The following CCDC127 variants were observed in gnomAD, a reference collection of about 807,000 sequenced individuals.
The protein encoded by CCDC127 is coiled-coil domain containing 127.
Under a neutral mutation model 4.1 loss-of-function variants are expected in CCDC127, and 2 were observed. That is an observed-to-expected ratio of 0.49 (90% CI 0.20 to 1.53). The LOEUF (loss-of-function observed/expected upper bound fraction) is 1.53. Ranked by LOEUF, CCDC127 falls within the 40% of genes most tolerant of loss-of-function variation. CCDC127 has a pLI of 0.23. For missense variants in CCDC127, 271 were observed against 322.9 expected (o/e 0.84, Z 1.23); for synonymous variants, 98 against 120.4 (o/e 0.81, Z 1.22).
At chr5:206,693 C>T (rs970020595) in intron 2 of CCDC127, among the ~76,000 whole-genome samples, 1 of 152,210 alleles carries the variant, frequency 6.6e-6, no homozygotes, top group Non-Finnish European at 1.5e-5. Context: ...TAAAAAAAGA[C>T]CGTGTGATAA....
At position 201,701 on chromosome 5, in the gene CCDC127, G is replaced by A. The variant is rs1231485284; in HGVS notation, c.*3596C>T. 3.3e-5 allele frequency: 5 copies of A among 152,226 alleles called. No homozygotes were observed. In the East Asian group the frequency reaches 9.6e-4, roughly 29 times the overall value. The allele number at this position is 152,226 out of a possible 1,614,324, so 9.4% of individuals were successfully genotyped here. On this transcript the variant is annotated 3_prime_UTR_variant, in exon 3 of 3. Transcript: ENST00000296824. ...TTTTTGGAATGTCCAGGTCAATTGT[G>A]ATGCCTTCGAACTTCATTCCAAAGT...
rs1302282311 is a variant in CCDC127, at chr5:203,638, A to T, written c.*1659T>A. On this transcript the variant is annotated 3_prime_UTR_variant, in exon 3 of 3. Transcript: ENST00000296824. ...AACAGTTGCTCCTACTCCCGTACAG[A>T]CGGGCAGGAGGGGAGAACATGGCCC... The T allele has an allele frequency of 1.3e-5, 2 of 152,228 alleles. No homozygotes were observed. The highest frequency in any genetic ancestry group is 2.9e-5 in the Non-Finnish European group (2 of 68,036). 9.4% of individuals were successfully genotyped at this position (152,228 alleles called of 1,614,324 possible). A position where few individuals can be genotyped will look rare whatever the true frequency, so the allele number is the denominator to read the frequency against.
Position 210,058 on chromosome 5 carries a change from G to A in CCDC127, c.122-4100C>T, listed in dbSNP as rs140241544. 7.8e-3 allele frequency among the ~76,000 whole-genome samples: 1,193 copies of A among 152,330 alleles called. 22 individuals carry two copies. Among genetic ancestry groups the A allele is most frequent in the African/African-American group, 0.027 (1,130 of 41,572 alleles). On this transcript the variant is annotated intron_variant, in intron 2 of 2. Transcript: ENST00000296824. ...GGGACCGTCCAACAGAGTCCCAGAA[G>A]CTCCAGCTAGTGCCGGAAGGCAAGA...
Position 205,881 on chromosome 5 carries a change from G to C in CCDC127, c.199C>G (p.Gln67Glu). The part of the protein sequence containing the change: ...EAYRRRTAAF[Q>E]QDLEAKYHAM... ...TGGTACTTGGCTTCCAGATCCTGTTGAAAAGCAGCAGTTCTCCGACGGTAG... is the reference window on the plus strand; with the variant it reads ...TGGTACTTGGCTTCCAGATCCTGTTCAAAAGCAGCAGTTCTCCGACGGTAG... The change falls in exon 3 of 3, where the codon CAA (glutamine) becomes GAA (glutamate). Residue 67 changes from glutamine to glutamate, a missense_variant. This residue lies in a region of CCDC127 where 265 missense variants were observed against 270.9 expected (regional missense o/e 0.98). Transcript: ENST00000296824. 1 of 1,614,216 alleles carries C rather than the reference G, an allele frequency of 6.2e-7. No individual in the cohort carries two copies. Among genetic ancestry groups the C allele is most frequent in the Non-Finnish European group, 8.5e-7 (1 of 1,180,038 alleles).
chr5:210,365 T>C (rs1415396215), intron 2 of CCDC127, among the ~76,000 whole-genome samples: 1 of 152,144 alleles, frequency 6.6e-6, no homozygotes, highest in Non-Finnish European at 1.5e-5. Context: ...GGCTACAGAC[T>C]GGGAGAGGAT....
chr5:205,120 T>C lies in CCDC127; in HGVS notation c.*177A>G. On this transcript the variant is annotated 3_prime_UTR_variant, in exon 3 of 3. Coordinates refer to ENST00000296824, the MANE Select transcript of CCDC127 (RefSeq NM_145265.3). ...GGCAGAGCATCGGGAGGAGACCCTC[T>C]GTCTCTGAGGCTTCGGTGCACTTCT... 1 of 588,148 alleles carries C rather than the reference T, an allele frequency of 1.7e-6. No homozygotes were observed. Among genetic ancestry groups the C allele is most frequent in the East Asian group, 2.8e-5 (1 of 35,504 alleles). The allele number at this position is 588,148 out of a possible 1,614,324, so 36.4% of individuals were successfully genotyped here. A position where few individuals can be genotyped will look rare whatever the true frequency, so the allele number is the denominator to read the frequency against.
In CCDC127 at chr5:197,850, CGAGT is replaced by C. The variant is rs1241450831; in HGVS notation, c.*7443_*7446del. On this transcript the variant is annotated 3_prime_UTR_variant, in exon 3 of 3. Coordinates refer to ENST00000296824, the MANE Select transcript of CCDC127 (RefSeq NM_145265.3). ...AGTGGTCCCTGTGTCACCCCCTCCC[CGAGT>C]GTGTCCCCACCCCAGGGGCCCCCAT... 3 of 102,744 alleles carry C rather than the reference CGAGT, an allele frequency of 2.9e-5. No homozygotes were observed. Among genetic ancestry groups the C allele is most frequent in the Non-Finnish European group, 6.9e-5 (3 of 43,712 alleles). The allele number at this position is 102,744 out of a possible 1,614,324, so 6.4% of individuals were successfully genotyped here.
intron 2 of CCDC127, chr5:216,238 G>T (rs1172462564): frequency 1.1e-4 from 19 of 167,952 alleles, no homozygotes; most frequent in Admixed American, 1.0e-3. Flanking sequence ...TTTTTGTAGA[G>T]ACGGGGTTTT....
chr5:217,084 T>C (rs62346522), intron 1 of CCDC127: 65,527 of 417,448 alleles, frequency 0.16, 6,401 homozygotes, highest in African/African-American at 0.47. Flanking sequence ...TGAGTCGAGG[T>C]CGCGCCACTG....
rs906090183 is a variant in CCDC127 at position 198,150 on chromosome 5, G to A, written c.*7147C>T. 1 of 152,332 alleles carries A rather than the reference G, an allele frequency of 6.6e-6. No homozygotes were observed. Among genetic ancestry groups the A allele is most frequent in the Non-Finnish European group, 1.5e-5 (1 of 68,122 alleles). The allele number at this position is 152,332 out of a possible 1,614,324, so 9.4% of individuals were successfully genotyped here. A position where few individuals can be genotyped will look rare whatever the true frequency, so the allele number is the denominator to read the frequency against. On this transcript the variant is annotated 3_prime_UTR_variant, in exon 3 of 3. Coordinates refer to ENST00000296824, the MANE Select transcript of CCDC127 (RefSeq NM_145265.3). Reference sequence around the variant, plus strand: ...GCCTCCCGGGGGCGTCTCAGGAATGGACGGCCTCCTGCCGAGTGGGCAGAT... The same window carrying A: ...GCCTCCCGGGGGCGTCTCAGGAATGAACGGCCTCCTGCCGAGTGGGCAGAT...
At chr5:216,013 A>G (rs1400499014) in intron 2 of CCDC127, 4 of 151,506 alleles carry the variant, frequency 2.6e-5, no homozygotes. Context: ...AAGTCTCCCA[A>G]AGACTGATTT....
rs764545184 is a variant in CCDC127, at chr5:205,773, G to T, written c.307C>A (p.Arg103=). The change falls in exon 3 of 3, where the codon CGA becomes AGA. Residue 103 remains arginine (R), a synonymous_variant. Coordinates refer to ENST00000296824, the MANE Select transcript of CCDC127 (RefSeq NM_145265.3). ...CGTCCCTGAGAGATAAGGGCTTCTCGGTAACTAGCAGTTCTGTTTTGTTCC... is the reference window on the plus strand; with the variant it reads ...CGTCCCTGAGAGATAAGGGCTTCTCTGTAACTAGCAGTTCTGTTTTGTTCC... ...EKEQNRTASY[R]EALISQGRKL... 6 of 1,613,988 alleles carry T rather than the reference G, an allele frequency of 3.7e-6. No individual in the cohort carries two copies. The highest frequency in any genetic ancestry group is 5.1e-6 in the Non-Finnish European group (6 of 1,180,030).
At chr5:213,158 T>G (rs1734307194) in intron 2 of CCDC127, among the ~76,000 whole-genome samples, 1 of 88,078 alleles carries the variant, frequency 1.1e-5, no homozygotes, top group Non-Finnish European at 2.1e-5. Flanking sequence ...GGGACAGCAG[T>G]GTGAGCACAC....
At position 204,298 on chromosome 5, in the gene CCDC127, G is replaced by T. The variant is rs1734126192; in HGVS notation, c.*999C>A. ...TCTCCCAGCAGGTCACGCACCTGGG[G>T]GCTGGCCTTGGGGCACCTCCGCAAA... On this transcript the variant is annotated 3_prime_UTR_variant, in exon 3 of 3. Transcript: ENST00000296824. 6.6e-6 allele frequency: 1 copy of T among 152,244 alleles called. No homozygotes were observed. The highest frequency in any genetic ancestry group is 6.5e-5 in the Admixed American group (1 of 15,280). 9.4% of individuals were successfully genotyped at this position (152,244 alleles called of 1,614,324 possible). A position where few individuals can be genotyped will look rare whatever the true frequency, so the allele number is the denominator to read the frequency against.
At position 205,915 on chromosome 5, in the gene CCDC127, C is replaced by A. The variant is rs767709061; in HGVS notation, c.165G>T (p.Glu55Asp). 1 of 1,613,904 alleles carries A rather than the reference C, an allele frequency of 6.2e-7. No homozygotes were observed. The highest frequency in any genetic ancestry group is 8.5e-7 in the Non-Finnish European group (1 of 1,179,866). ...CAGTTCTCCGACGGTAGGCTTCTCT[C>A]TCTTTTTCTACTTCTTTCTGGGACT... ...SRESQKEVEK[E>D]REAYRRRTAA... Residue 55 changes from glutamate (E) to aspartate (D), a missense_variant, in exon 3 of 3, where the codon GAG (glutamate) becomes GAT (aspartate). Glu to Asp is a conservative substitution (Grantham distance 45, BLOSUM62 2). Transcript: ENST00000296824.
chr5:209,935 A>AG (rs1343859010), intron 2 of CCDC127, among the ~76,000 whole-genome samples: 2 of 152,236 alleles, frequency 1.3e-5, no homozygotes, highest in Non-Finnish European at 2.9e-5. Flanking sequence ...ACAGGAATAC[A>AG]GGGGAGCTTC....
chr5:197,155 A>G lies in CCDC127; in HGVS notation c.*8142T>C, dbSNP rs1038723088. The G allele has an allele frequency of 5.9e-5, 9 of 152,036 alleles. No individual in the cohort carries two copies. The highest frequency in any genetic ancestry group is 9.7e-5 in the African/African-American group (4 of 41,394). The allele number at this position is 152,036 out of a possible 1,614,324, so 9.4% of individuals were successfully genotyped here. ...ACATCTCAGCAGAGTAAAGAATAAC[A>G]AGGCAGCATTGCCGCAAACATGTCT... is the stretch of plus-strand genomic sequence containing the variant. On this transcript the variant is annotated 3_prime_UTR_variant, in exon 3 of 3. Coordinates refer to ENST00000296824, the MANE Select transcript of CCDC127 (RefSeq NM_145265.3).
intron 2 of CCDC127, among the ~76,000 whole-genome samples, chr5:207,224 C>T (rs1159585063): frequency 6.6e-6 from 1 of 152,208 alleles, no homozygotes; most frequent in African/African-American, 2.4e-5. Flanking sequence ...CTTGGATATG[C>T]TGTTGACACT....
At chr5:206,024 T>A in intron 2 of CCDC127, 66 bp from the exon 3 acceptor site, 4 of 1,398,956 alleles carry the variant, frequency 2.9e-6, no homozygotes, top group Non-Finnish European at 3.9e-6. Flanking sequence ...AATCCTCACT[T>A]AAATCATAAG....
Sources: allele counts gnomAD v4.1 joint callset (sites outside exome capture counted in the v4.1 genomes callset), GRCh38; gene constraint gnomAD v4.1.1; regional missense constraint gnomAD v4.1.1; transcripts MANE v1.5; gene names NCBI Gene and HGNC (gene_info 2026-07-23, HGNC 2026-07-21).